CBR3: variants seen among roughly 807,000 people sequenced by gnomAD.
CBR3 encodes the protein carbonyl reductase 3.
In CBR3, 14 loss-of-function variants were observed where a neutral mutation model predicts 11.6. The observed-to-expected ratio is 1.20, with a 90% CI of 0.79 to 1.88. The LOEUF is 1.88. Among genes scored for constraint, CBR3 ranks in the 40% most tolerant of loss-of-function variants. The probability of loss-of-function intolerance (pLI) is 0.00; values close to 1 mark genes in which losing one functional copy is unlikely to be tolerated. For synonymous variants in CBR3, 125 were observed against 145.6 expected, an observed-to-expected ratio of 0.86 and a Z score of 1.02; for missense variants, 308 against 357.3, an observed-to-expected ratio of 0.86 and a Z score of 1.11.
At chr21:36,140,851 C>T (rs1404995468) in intron 2 of CBR3, among the ~76,000 whole-genome samples, 1 of 151,398 alleles carries the variant, frequency 6.6e-6, no homozygotes, top group Non-Finnish European at 1.5e-5. Flanking sequence ...ACTAAAAATA[C>T]AAAAAAATTA....
In CBR3 at chr21:36,146,467, G is replaced by A. The variant is rs1328599073; in HGVS notation, c.789G>A (p.Glu263=). The A allele has an allele frequency of 6.2e-7, 1 of 1,612,736 alleles. No homozygotes were observed. ...CCCTCTTGCCTCCAGATGCCACTGAGCCACAAGGCCAGTTGGTCCATGACA... is the reference window on the plus strand; with the variant it reads ...CCCTCTTGCCTCCAGATGCCACTGAACCACAAGGCCAGTTGGTCCATGACA... ...YLALLPPDAT[E]PQGQLVHDKV... is the part of the protein sequence containing the mutation. Residue 263 remains glutamate, a synonymous_variant, in exon 3 of 3, where the codon GAG becomes GAA. Transcript: ENST00000290354.
chr21:36,137,995 C>T (rs1350940570), intron 2 of CBR3, 63 bp downstream of exon 2: 12 of 865,918 alleles, frequency 1.4e-5, no homozygotes, highest in Admixed American at 3.5e-5. Flanking sequence ...ACAGGCTTCC[C>T]GGAGCAGGGC....
At chr21:36,140,965 G>A (rs1490417280) in intron 2 of CBR3, among the ~76,000 whole-genome samples, 4 of 136,312 alleles carry the variant, frequency 2.9e-5, no homozygotes, top group East Asian at 2.1e-4. Flanking sequence ...CCCAGATCGC[G>A]CCACTGCACT....
chr21:36,139,382 C>CTTTTTTT (rs35931656), intron 2 of CBR3, among the ~76,000 whole-genome samples: 12 of 126,668 alleles, frequency 9.5e-5, no homozygotes, highest in Admixed American at 1.7e-4. Flanking sequence ...CTTGCTTTTT[C>CTTTTTTT]TTTTTTTTTT....
intron 2 of CBR3, among the ~76,000 whole-genome samples, chr21:36,142,970 A>G (rs991911680): frequency 3.3e-5 from 5 of 152,078 alleles, no homozygotes; most frequent in African/African-American, 1.2e-4. Flanking sequence ...CTCCCTTGCA[A>G]TGGGAACTTG....
At chr21:36,139,301 T>C (rs1193885112) in intron 2 of CBR3, among the ~76,000 whole-genome samples, 1 of 152,136 alleles carries the variant, frequency 6.6e-6, no homozygotes, top group African/African-American at 2.4e-5. Flanking sequence ...GGAAGCTTGC[T>C]TCCTTGAGGA....
intron 2 of CBR3, among the ~76,000 whole-genome samples, chr21:36,142,436 A>AAAAAAAAAAAAAC (rs1555883297): frequency 0.013 from 1,531 of 119,652 alleles, 171 homozygotes; most frequent in African/African-American, 0.039. Flanking sequence ...CATCTCAAAA[A>AAAAAAAAAAAAAC]AAAAAAAAAA....
In CBR3 at chr21:36,146,082, T is replaced by G. The variant is rs779279934; in HGVS notation, c.404T>G (p.Val135Gly). Residue 135 changes from valine (V) to glycine (G), a missense_variant, in exon 3 of 3, where the codon GTG (valine) becomes GGG (glycine). Physicochemically the swap from Val to Gly is moderately radical, Grantham distance 109. Coordinates refer to ENST00000290354, the MANE Select transcript of CBR3 (RefSeq NM_001236.4). Reference protein sequence around the residue: ...LLPIMKPHGRVVNISSLQCLR... With the variant: ...LLPIMKPHGRGVNISSLQCLR... ...ATTTATCATTCTGTTTCAGGGAGAG[T>G]GGTGAATATCAGTAGTTTGCAGTGT... 1.9e-6 allele frequency: 3 copies of G among 1,604,496 alleles called. No homozygotes were observed. The African/African-American group carries it at 4.0e-5, about 22-fold the overall frequency.
chr21:36,143,414 AAC>A (rs967007709), intron 2 of CBR3, among the ~76,000 whole-genome samples: 1 of 152,184 alleles, frequency 6.6e-6, no homozygotes, highest in African/African-American at 2.4e-5. Flanking sequence ...TGTGTAAATT[AAC>A]ACATTTACTG....
intron 2 of CBR3, among the ~76,000 whole-genome samples, chr21:36,139,183 A>T (rs547302647): frequency 1.6e-4 from 24 of 152,228 alleles, no homozygotes; most frequent in Non-Finnish European, 3.1e-4. Flanking sequence ...TGCAATGGTG[A>T]GCATTATAGA....
At position 36,146,494 on chromosome 21, in the gene CBR3, A is replaced by G. The variant is rs766973900; in HGVS notation, c.816A>G (p.Lys272=). The change falls in exon 3 of 3, where the codon AAA becomes AAG. Residue 272 remains lysine (K), a synonymous_variant. Coordinates refer to ENST00000290354, the MANE Select transcript of CBR3 (RefSeq NM_001236.4). ...CACAAGGCCAGTTGGTCCATGACAA[A>G]GTTGTGCAAAACTGGTAAACGTCTG... The part of the protein sequence containing the change: ...TEPQGQLVHD[K]VVQNW 1.9e-6 allele frequency: 3 copies of G among 1,601,778 alleles called. No homozygotes were observed. The Admixed American group carries it at 5.1e-5, about 27-fold the overall frequency.
At position 36,146,183 on chromosome 21, in the gene CBR3, G is replaced by C; in HGVS notation, c.505G>C (p.Val169Leu). Residue 169 changes from valine (V) to leucine (L), a missense_variant, in exon 3 of 3, where the codon GTG (valine) becomes CTG (leucine). Val to Leu is a conservative substitution (Grantham distance 32). Transcript: ENST00000290354. ...HSETLTEGDL[V>L]DLMKKFVEDT... The stretch of plus-strand genomic sequence containing the variant: ...TGAGACACTCACAGAAGGAGACCTG[G>C]TGGATCTCATGAAAAAGTTTGTGGA... 14 of 1,614,122 alleles carry C rather than the reference G, an allele frequency of 8.7e-6. No individual in the cohort carries two copies. Among genetic ancestry groups the C allele is most frequent in the Non-Finnish European group, 1.2e-5 (14 of 1,180,002 alleles).
intron 2 of CBR3, among the ~76,000 whole-genome samples, chr21:36,139,081 C>T (rs547914733): frequency 1.3e-5 from 2 of 152,032 alleles, no homozygotes; most frequent in South Asian, 2.1e-4. Context: ...CTTGCCTATA[C>T]CTGCAGGTAT....
At chr21:36,142,437 A>AAAAAAAAAAAAC (rs1555883306) in intron 2 of CBR3, among the ~76,000 whole-genome samples, 2,644 of 81,980 alleles carry the variant, frequency 0.032, 247 homozygotes, top group African/African-American at 0.061. Flanking sequence ...ATCTCAAAAA[A>AAAAAAAAAAAAC]AAAAAAAAAA....
At chr21:36,139,408 G>A (rs45593532) in intron 2 of CBR3, among the ~76,000 whole-genome samples, 6,317 of 132,242 alleles carry the variant, frequency 0.048, 183 homozygotes, top group Non-Finnish European at 0.066. Flanking sequence ...TTTTGACAGA[G>A]TTTCGCTCTG....
chr21:36,136,934 A>G (rs1039126084), intron 1 of CBR3, among the ~76,000 whole-genome samples: 1 of 150,688 alleles, frequency 6.6e-6, no homozygotes, highest in Admixed American at 6.7e-5. Flanking sequence ...AGGCTCAGGC[A>G]CAAGAACCGC....
intron 2 of CBR3, chr21:36,138,704 G>C (rs1433044859): frequency 6.7e-6 from 1 of 149,018 alleles, no homozygotes; most frequent in Non-Finnish European, 1.5e-5. Flanking sequence ...AGTTGATTCA[G>C]AAAACCCAAA....
At chr21:36,142,435 A>AC (rs2065718573) in intron 2 of CBR3, among the ~76,000 whole-genome samples, 1 of 137,854 alleles carries the variant, frequency 7.3e-6, no homozygotes, top group Non-Finnish European at 1.5e-5. Flanking sequence ...CCATCTCAAA[A>AC]AAAAAAAAAA....
chr21:36,145,522 T>C (rs1368243232), intron 2 of CBR3, among the ~76,000 whole-genome samples: 1 of 152,150 alleles, frequency 6.6e-6, no homozygotes, highest in African/African-American at 2.4e-5. Flanking sequence ...CTATTGTTAG[T>C]AGAGACAGAG....
Sources: allele counts gnomAD v4.1 joint callset (sites outside exome capture counted in the v4.1 genomes callset), GRCh38; gene constraint gnomAD v4.1.1; transcripts MANE v1.5; gene names NCBI Gene and HGNC (gene_info 2026-07-23, HGNC 2026-07-21).